Variants in BBS4 observed in about 807,000 individuals in gnomAD.
BBS4 encodes Bardet-Biedl syndrome 4.
In BBS4, 58 loss-of-function variants were observed where a neutral mutation model predicts 71.4. That is an observed-to-expected ratio of 0.81 (90% confidence interval 0.66 to 1.01). The LOEUF is 1.01. BBS4 is among the 50% of genes least tolerant of loss of function. BBS4 has a pLI of 0.00. For missense variants in BBS4, 660 were observed against 607.9 expected, an observed-to-expected ratio of 1.09 and a Z score of -0.90; for synonymous variants, 228 against 216.8, an observed-to-expected ratio of 1.05 and a Z score of -0.46.
At chr15:72,725,804 TCCCCC>T (rs2065670409) in intron 8 of BBS4, among the ~76,000 whole-genome samples, 1 of 16,104 alleles carries the variant, frequency 6.2e-5, no homozygotes. Flanking sequence ...TCTTCCCCCA[TCCCCC>T]TTCCCCCATC....
chr15:72,731,512 G>T, intron 11 of BBS4, 43 bp from the exon 12 acceptor site: 2 of 1,614,196 alleles, frequency 1.2e-6, no homozygotes, highest in Non-Finnish European at 1.7e-6. Flanking sequence ...TATTGGGTCT[G>T]TTTAGCTTGC....
intron 4 of BBS4, among the ~76,000 whole-genome samples, chr15:72,712,781 T>G (rs1438973412): frequency 3.3e-5 from 5 of 152,242 alleles, no homozygotes; most frequent in Non-Finnish European, 7.3e-5. Context: ...ATGTAGACTT[T>G]ATGTTGTATA....
intron 1 of BBS4, among the ~76,000 whole-genome samples, chr15:72,694,850 T>A (rs2065046796): frequency 1.3e-5 from 2 of 152,214 alleles, no homozygotes; most frequent in South Asian, 2.1e-4. Context: ...CTGAGAAGTA[T>A]GGCATCAAGT....
intron 6 of BBS4, 37 bp downstream of exon 6, chr15:72,716,887 AC>A: frequency 7.2e-7 from 1 of 1,394,014 alleles, no homozygotes; most frequent in Non-Finnish European, 1.0e-6. Context: ...TTATTAGTAA[AC>A]TTGCTAATGG....
In BBS4 at chr15:72,737,677, G is replaced by C; in HGVS notation, c.*90G>C. On this transcript the variant is annotated 3_prime_UTR_variant, in exon 16 of 16. Coordinates refer to ENST00000268057, the MANE Select transcript of BBS4 (RefSeq NM_033028.5). ...GACATGACACAGGCAGAGCAGAGTGGCACCCACCACAGAATACAGTGTGTG... is the reference window on the plus strand; with the variant it reads ...GACATGACACAGGCAGAGCAGAGTGCCACCCACCACAGAATACAGTGTGTG... 1 of 1,032,642 alleles carries C rather than the reference G, an allele frequency of 9.7e-7. No individual in the cohort carries two copies. The highest frequency in any genetic ancestry group is 2.7e-5 in the East Asian group (1 of 37,686). 64.0% of individuals were successfully genotyped at this position (1,032,642 alleles called of 1,614,324 possible). A position where few individuals can be genotyped will look rare whatever the true frequency, so the allele number is the denominator to read the frequency against.
rs553442856 is a variant in BBS4, at chr15:72,701,376, C to T, written c.76+6148C>T. On this transcript the variant is annotated intron_variant, in intron 2 of 15. Coordinates refer to ENST00000268057, the MANE Select transcript of BBS4 (RefSeq NM_033028.5). ...GTCTATTCATTTTATACTTGATGAA[C>T]ATTTGGGATATTTTTATTGTGATGT... 1.6e-3 allele frequency among the ~76,000 whole-genome samples: 237 copies of T among 152,182 alleles called. 2 individuals carry two copies. The highest frequency in any genetic ancestry group is 5.2e-3 in the African/African-American group (218 of 41,524).
intron 6 of BBS4, among the ~76,000 whole-genome samples, chr15:72,722,301 A>G (rs2065591349): frequency 6.6e-6 from 1 of 152,226 alleles, no homozygotes; most frequent in Admixed American, 6.5e-5. Context: ...CACATCACCT[A>G]GTAAATTTAG....
chr15:72,729,510 A>G (rs1408112708), intron 9 of BBS4, 106 bp from the exon 10 acceptor site: 2 of 1,047,030 alleles, frequency 1.9e-6, no homozygotes, highest in Middle Eastern at 2.1e-4. Context: ...TTAGCCTCCC[A>G]AAGTGCTGGG....
At chr15:72,716,547 T>C (rs1402334729) in intron 5 of BBS4, among the ~76,000 whole-genome samples, 1 of 152,118 alleles carries the variant, frequency 6.6e-6, no homozygotes, top group Non-Finnish European at 1.5e-5. Context: ...CTCACTAAAA[T>C]TGGTATAGAA....
intron 1 of BBS4, among the ~76,000 whole-genome samples, chr15:72,693,570 TGAGTGTGG>T (rs2065023909): frequency 6.6e-6 from 1 of 152,184 alleles, no homozygotes; most frequent in African/African-American, 2.4e-5. Flanking sequence ...TATGTAAACA[TGAGTGTGG>T]GTATGTTCTC....
rs1418344181 is a variant in BBS4 at position 72,687,945 on chromosome 15, AAAGT to A, written c.24+1697_24+1700del. Among the ~76,000 whole-genome samples the A allele has an allele frequency of 7.9e-4, 120 of 151,986 alleles. 1 individual carries two copies. Among genetic ancestry groups the A allele is most frequent in the African/African-American group, 2.8e-3 (118 of 41,464 alleles). On this transcript the variant is annotated intron_variant, in intron 1 of 15. Coordinates refer to ENST00000268057, the MANE Select transcript of BBS4 (RefSeq NM_033028.5). ...AAAACTCCGTCTCAGAAAAAAAAAA[AAAGT>A]AAATAGCATGGTTAATGTTACTGGG...
intron 6 of BBS4, among the ~76,000 whole-genome samples, chr15:72,718,255 A>G (rs1357834308): frequency 6.6e-6 from 1 of 152,060 alleles, no homozygotes; most frequent in African/African-American, 2.4e-5. Flanking sequence ...CTATCCATCC[A>G]ATATTTTTTA....
chr15:72,689,265 A>T (rs1003076397), intron 1 of BBS4, among the ~76,000 whole-genome samples: 24 of 152,238 alleles, frequency 1.6e-4, no homozygotes, highest in African/African-American at 5.8e-4. Flanking sequence ...AGAAGGCTAC[A>T]GTCAAGGCCT....
In BBS4 at chr15:72,713,314, G is replaced by GACACACACACACAC. The variant is rs36072427; in HGVS notation, c.220+1030_220+1043dup. Among the ~76,000 whole-genome samples, 238 of 143,540 alleles carry GACACACACACACAC rather than the reference G, an allele frequency of 1.7e-3. 3 individuals carry two copies. Among genetic ancestry groups the GACACACACACACAC allele is most frequent in the Middle Eastern group, 7.1e-3 (2 of 282 alleles). 94.2% of individuals were successfully genotyped at this position (143,540 alleles called of 152,430 possible). ...TTTGTGACCCATCTAAGGTCTTTGTGACACACACACACACACACACACACA... is the reference window on the plus strand; with the variant it reads ...TTTGTGACCCATCTAAGGTCTTTGTGACACACACACACACACACACACACACACACACACACACA... On this transcript the variant is annotated intron_variant, in intron 4 of 15. Coordinates refer to ENST00000268057, the MANE Select transcript of BBS4 (RefSeq NM_033028.5).
chr15:72,723,750 TGG>T (rs2065617161), intron 7 of BBS4, among the ~76,000 whole-genome samples: 1 of 152,242 alleles, frequency 6.6e-6, no homozygotes, highest in Non-Finnish European at 1.5e-5. Flanking sequence ...GTTTTGTAGA[TGG>T]ATCTATAGTT....
At chr15:72,714,236 T>TA (rs2065428772) in intron 4 of BBS4, among the ~76,000 whole-genome samples, 1 of 147,150 alleles carries the variant, frequency 6.8e-6, no homozygotes, top group African/African-American at 2.5e-5. Context: ...TTTTTTTTTT[T>TA]TTTTTTTGAG....
chr15:72,722,988 T>C, intron 7 of BBS4, 141 bp downstream of exon 7: 1 of 718,510 alleles, frequency 1.4e-6, no homozygotes, highest in South Asian at 1.6e-5. Flanking sequence ...CATTTTTTTC[T>C]GTTTTAATTC....
At chr15:72,700,385 T>C (rs1472194042) in intron 2 of BBS4, among the ~76,000 whole-genome samples, 1 of 152,202 alleles carries the variant, frequency 6.6e-6, no homozygotes, top group Non-Finnish European at 1.5e-5. Context: ...TCCAAAGTGG[T>C]TGTACAGTTT....
chr15:72,692,981 C>T (rs904369910), intron 1 of BBS4, among the ~76,000 whole-genome samples: 15 of 151,950 alleles, frequency 9.9e-5, no homozygotes, highest in Admixed American at 9.2e-4. Flanking sequence ...CATCTGTTAC[C>T]CCTCCCTTTC....
Sources: gnomAD v4.1 joint callset for allele counts (sites outside exome capture counted in the v4.1 genomes callset) on GRCh38, gnomAD v4.1.1 for gene constraint, MANE v1.5 for transcripts, NCBI Gene and HGNC (gene_info 2026-07-23, HGNC 2026-07-21) for gene names.